The following SLC20A2 variants were observed in gnomAD, a reference collection of about 807,000 sequenced individuals.
The protein encoded by SLC20A2 is sodium-dependent phosphate transporter 2.
SLC20A2 carries 30 observed loss-of-function variants against 61.0 expected under a neutral mutation model. The observed-to-expected ratio is 0.49, with a 90% confidence interval of 0.37 to 0.67. The LOEUF (loss-of-function observed/expected upper bound fraction) is 0.67. Among genes scored for constraint, SLC20A2 ranks in the 30% least tolerant of loss-of-function variants. The pLI, the probability that SLC20A2 is intolerant of heterozygous loss-of-function variation, is 0.00. For synonymous variants in SLC20A2, 351 were observed against 353.3 expected (o/e 0.99, Z 0.07); for missense variants, 626 against 866.4 (o/e 0.72, Z 3.48).
chr8:42,428,940 G>A, intron 9 of SLC20A2, 98 bp from the exon 10 acceptor site: 2 of 895,026 alleles, frequency 2.2e-6, no homozygotes, highest in Non-Finnish European at 3.3e-6. Flanking sequence ...TCTCTGGGGT[G>A]ACTGCCGACT....
chr8:42,501,320 G>A (rs1432711400), upstream of SLC20A2: 2 of 152,216 alleles, frequency 1.3e-5, no homozygotes, highest in African/African-American at 4.8e-5. Context: ...GTGCCCTGGT[G>A]AACAATACAT....
rs548201896 is a variant in SLC20A2 at position 42,437,495 on chromosome 8, G to A, written c.1017C>T (p.Ser339=). Residue 339 remains serine (S), a synonymous_variant, in exon 8 of 11, where the codon AGC becomes AGT. Coordinates refer to ENST00000520262, the MANE Select transcript of SLC20A2 (RefSeq NM_001257180.2). The surrounding 1 kb of genome is among the most constrained non-coding windows in gnomAD (Gnocchi z 6.4). ...GCACGGTGTGGTACACATGACCGTC[G>A]CTCCTGGTGTGGCCGTCGAAGCCGA... ...GTFGFDGHTR[S]DGHVYHTVHK... is the part of the protein sequence containing the mutation. 6.8e-6 allele frequency: 11 copies of A among 1,614,106 alleles called. No individual in the cohort carries two copies. The highest frequency in any genetic ancestry group is 2.2e-5 in the South Asian group (2 of 91,072).
At chr8:42,541,131 A>G (rs1308933767) in intron 1 of SLC20A2, 4 of 152,278 alleles carry the variant, frequency 2.6e-5, no homozygotes, top group East Asian at 1.9e-4. Flanking sequence ...GACAATGTAC[A>G]CGACCCCTCC....
At chr8:42,450,420 G>T (rs1805553579) in intron 5 of SLC20A2, among the ~76,000 whole-genome samples, 2 of 151,880 alleles carry the variant, frequency 1.3e-5, no homozygotes, top group Non-Finnish European at 2.9e-5. Context: ...TAGAGATGGG[G>T]TTTCACCATA....
At chr8:42,450,180 A>AAT (rs375520094) in intron 5 of SLC20A2, among the ~76,000 whole-genome samples, 2,301 of 151,466 alleles carry the variant, frequency 0.015, 66 homozygotes, top group African/African-American at 0.054. Context: ...ATAAGTAAAA[A>AAT]ATATATATAT....
At position 42,437,568 on chromosome 8, in the gene SLC20A2, A is replaced by G. The variant is rs1370163059; in HGVS notation, c.944T>C (p.Leu315Pro). 1.9e-6 allele frequency: 3 copies of G among 1,592,052 alleles called. No homozygotes were observed. The South Asian group carries it at 3.4e-5, about 18-fold the overall frequency. The part of the protein sequence containing the change: ...SHPRAAYGRA[L>P]SMTHGSVKSP... ...TTTCACAGAGCCATGGGTCATGGAC[A>G]GTGCTCTTCCTGAAAAGGGTTAGAG... is the stretch of plus-strand genomic sequence containing the variant. Residue 315 changes from leucine (L) to proline (P), a missense_variant, in exon 8 of 11, where the codon CTG (leucine) becomes CCG (proline). Leu to Pro is a moderately conservative substitution (Grantham distance 98). Around this residue, in one of 3 missense-constraint regions of SLC20A2, gnomAD observed 361 missense variants for 422.3 expected, o/e 0.85. Transcript: ENST00000520262. This position sits in a 1 kb window ranked among gnomAD's most constrained non-coding sequence, Gnocchi z 6.4.
chr8:42,500,322 A>G lies in SLC20A2; in HGVS notation c.-265+709T>C, dbSNP rs147234725. 1.4e-3 allele frequency among the ~76,000 whole-genome samples: 208 copies of G among 152,340 alleles called. 1 individual carries two copies. The highest frequency in any genetic ancestry group is 4.7e-3 in the African/African-American group (197 of 41,588). ...TCAAATTTAATTTAAAATATTCAAT[A>G]TCAAAATCTTTTGTTTTCTTCAGTA... On this transcript the variant is annotated intron_variant, in intron 1 of 10. Coordinates refer to ENST00000520262, the MANE Select transcript of SLC20A2 (RefSeq NM_001257180.2).
At chr8:42,478,884 A>AG (rs1167841553) in intron 1 of SLC20A2, among the ~76,000 whole-genome samples, 1 of 150,896 alleles carries the variant, frequency 6.6e-6, no homozygotes, top group Non-Finnish European at 1.5e-5. Flanking sequence ...GAAAAAAAGA[A>AG]AAAAAAAAAA....
intron 1 of SLC20A2, among the ~76,000 whole-genome samples, chr8:42,485,245 G>A (rs1020317080): frequency 5.3e-5 from 8 of 152,204 alleles, no homozygotes; most frequent in African/African-American, 7.2e-5. Flanking sequence ...GTACACTCAC[G>A]GGGTAATGGA....
Position 42,438,050 on chromosome 8 carries a change from TAAAAAAAAAAACCA to T in SLC20A2, c.935-487_935-474del, listed in dbSNP as rs1293211236. Among the ~76,000 whole-genome samples, 70 of 15,974 alleles carry T rather than the reference TAAAAAAAAAAACCA, an allele frequency of 4.4e-3. 1 individual carries two copies. In the Admixed American group the frequency reaches 0.06, roughly 14 times the overall value. 10.5% of individuals were successfully genotyped at this position (15,974 alleles called of 152,430 possible). On this transcript the variant is annotated intron_variant, in intron 7 of 10. Transcript: ENST00000520262. ...AAAGGACATGTAATATGGTTACCACTAAAAAAAAAAACCAAAAAAAAAAAAAAAAAAAAAAAAAA... is the reference window on the plus strand; with the variant it reads ...AAAGGACATGTAATATGGTTACCACTAAAAAAAAAAAAAAAAAAAAAAAAA...
intron 1 of SLC20A2, among the ~76,000 whole-genome samples, chr8:42,493,548 A>C (rs1437445810): frequency 6.6e-6 from 1 of 152,170 alleles, no homozygotes. Context: ...TTTAATGGAT[A>C]ATCATAACAC....
intron 5 of SLC20A2, among the ~76,000 whole-genome samples, chr8:42,447,070 G>A (rs1805269084): frequency 6.6e-6 from 1 of 152,118 alleles, no homozygotes; most frequent in African/African-American, 2.4e-5. Context: ...GGCTTGGCAG[G>A]GTGCCTCATG....
chr8:42,510,485 C>T (rs1586238205), intron 1 of SLC20A2, among the ~76,000 whole-genome samples: 1 of 152,192 alleles, frequency 6.6e-6, no homozygotes, highest in African/African-American at 2.4e-5. Flanking sequence ...CAACGAGCTG[C>T]TAATTGCCCA....
intron 1 of SLC20A2, among the ~76,000 whole-genome samples, chr8:42,523,346 T>G (rs888152507): frequency 1.3e-4 from 19 of 151,344 alleles, no homozygotes; most frequent in African/African-American, 4.6e-4. Context: ...ACTAAATAAA[T>G]AAATAAAATA....
At chr8:42,426,507 C>T (rs1803422225) in intron 10 of SLC20A2, among the ~76,000 whole-genome samples, 1 of 152,138 alleles carries the variant, frequency 6.6e-6, no homozygotes, top group African/African-American at 2.4e-5. Context: ...ACCAGCCTTG[C>T]CAACATGGTG....
chr8:42,463,320 C>T, intron 3 of SLC20A2: 1 of 360,808 alleles, frequency 2.8e-6, no homozygotes, highest in Admixed American at 4.7e-5. Context: ...ACTGACCACA[C>T]TGCCAATGCA....
At chr8:42,493,272 C>T (rs550404440) in intron 1 of SLC20A2, among the ~76,000 whole-genome samples, 1 of 152,348 alleles carries the variant, frequency 6.6e-6, no homozygotes, top group South Asian at 2.1e-4. Flanking sequence ...CCTTCTGATT[C>T]AGGCCATGAG....
chr8:42,418,436 G>C (rs1333125352), intron 10 of SLC20A2, among the ~76,000 whole-genome samples: 1 of 152,114 alleles, frequency 6.6e-6, no homozygotes, highest in Non-Finnish European at 1.5e-5. Context: ...CAAAGTGCTG[G>C]AGTACAGTGG....
At chr8:42,512,367 T>G (rs1237619247) in intron 1 of SLC20A2, among the ~76,000 whole-genome samples, 1 of 151,374 alleles carries the variant, frequency 6.6e-6, no homozygotes, top group African/African-American at 2.4e-5. Flanking sequence ...TTTTTTTTTT[T>G]GGAGATGGAG....
Sources: allele counts gnomAD v4.1 joint callset (sites outside exome capture counted in the v4.1 genomes callset), GRCh38; gene constraint gnomAD v4.1.1; regional missense constraint gnomAD v4.1.1; non-coding constraint Gnocchi (gnomAD v3.1); transcripts MANE v1.5; gene names NCBI Gene and HGNC (gene_info 2026-07-23, HGNC 2026-07-21).